DACH2: variants seen among roughly 807,000 people sequenced by gnomAD.
DACH2 encodes the protein dachshund homolog 2.
DACH2 carries 17 observed loss-of-function variants against 35.8 expected under a neutral mutation model. The ratio of observed to expected loss-of-function variants is 0.48; its 90% CI spans 0.33 to 0.71. The LOEUF is 0.71. DACH2 is among the 30% of genes least tolerant of loss of function. The pLI is 0.02. For missense variants in DACH2, 469 were observed against 472.7 expected, an observed-to-expected ratio of 0.99 and a Z score of 0.07; for synonymous variants, 195 against 177.3, an observed-to-expected ratio of 1.10 and a Z score of -0.79.
intron 1 of DACH2, among the ~76,000 whole-genome samples, chrX:86,337,594 G>A (rs923001016): frequency 4.5e-5 from 5 of 112,221 alleles, no homozygotes; most frequent in African/African-American, 1.6e-4. Context: ...ACTGGCAACA[G>A]CCAGTGCAAA....
intron 3 of DACH2, among the ~76,000 whole-genome samples, chrX:86,540,075 TG>T (rs763935838): frequency 2.4e-4 from 27 of 112,110 alleles, no homozygotes; most frequent in African/African-American, 7.4e-4. Flanking sequence ...AATAATGTTA[TG>T]TTTAGCTATG....
At chrX:86,521,121 C>T (rs1279430722) in intron 3 of DACH2, among the ~76,000 whole-genome samples, 2 of 111,655 alleles carry the variant, frequency 1.8e-5, no homozygotes, top group African/African-American at 3.3e-5. Flanking sequence ...TCAACATTTG[C>T]TAATCTGAAC....
chrX:86,637,845 C>T (rs1358816413), intron 3 of DACH2, among the ~76,000 whole-genome samples: 4 of 111,226 alleles, frequency 3.6e-5, no homozygotes, highest in Non-Finnish European at 7.5e-5. Context: ...TACCGACATA[C>T]TAAACCTGTA....
intron 7 of DACH2, among the ~76,000 whole-genome samples, chrX:86,811,283 T>A (rs941495490): frequency 4.5e-5 from 5 of 111,745 alleles, no homozygotes; most frequent in African/African-American, 1.6e-4. Context: ...CACAAATGAA[T>A]GGCACAACTT....
At chrX:86,211,360 C>T (rs2032441682) in intron 1 of DACH2, among the ~76,000 whole-genome samples, 1 of 111,156 alleles carries the variant, frequency 9.0e-6, no homozygotes, top group South Asian at 3.7e-4. Context: ...GTTTCTGTGA[C>T]TAGATATTGG....
intron 1 of DACH2, among the ~76,000 whole-genome samples, chrX:86,329,657 C>G (rs2035177396): frequency 9.0e-6 from 1 of 111,115 alleles, no homozygotes; most frequent in African/African-American, 3.3e-5. Context: ...TTGTGTAAGT[C>G]TGTGTTAGCA....
At chrX:86,306,878 AATG>A (rs1389018382) in intron 1 of DACH2, among the ~76,000 whole-genome samples, 4 of 111,496 alleles carry the variant, frequency 3.6e-5, no homozygotes, top group Non-Finnish European at 7.5e-5. Flanking sequence ...ACATAATATA[AATG>A]ATGAAGTTTT....
At chrX:86,668,113 GA>G (rs898339872) in intron 4 of DACH2, among the ~76,000 whole-genome samples, 1 of 110,079 alleles carries the variant, frequency 9.1e-6, no homozygotes, top group African/African-American at 3.4e-5. Context: ...TTTAATAGGA[GA>G]AAAAAATAAC....
chrX:86,793,657 C>T (rs757298012), intron 7 of DACH2, among the ~76,000 whole-genome samples: 1 of 112,086 alleles, frequency 8.9e-6, no homozygotes, highest in African/African-American at 3.2e-5. Context: ...ACTGTTTTTG[C>T]TTCTAATTTA....
rs191658207 is a variant in DACH2 at position 86,449,392 on chromosome X, G to T, written c.528-64887G>T. Among the ~76,000 whole-genome samples the T allele has an allele frequency of 9.0e-3, 968 of 107,308 alleles. 5 individuals are homozygous for T. The highest frequency in any genetic ancestry group is 0.029 in the African/African-American group (856 of 29,487). 93.2% of individuals were successfully genotyped at this position (107,308 alleles called of 115,157 possible). ...CTAGTTCTTTTAATTGTGATGTTAG[G>T]GTGTCAATTTTGGATCTTTCCTGCT... On this transcript the variant is annotated intron_variant, in intron 2 of 11. Transcript: ENST00000373125.
intron 2 of DACH2, among the ~76,000 whole-genome samples, chrX:86,379,415 A>G (rs2036014236): frequency 9.1e-6 from 1 of 109,993 alleles, no homozygotes; most frequent in African/African-American, 3.3e-5. Flanking sequence ...TGCTTTTGAC[A>G]TCTGTATGCC....
At chrX:86,283,871 T>TATACAC (rs560297079) in intron 1 of DACH2, among the ~76,000 whole-genome samples, 5 of 102,143 alleles carry the variant, frequency 4.9e-5, no homozygotes, top group African/African-American at 1.8e-4. Context: ...TTAAAGTATA[T>TATACAC]ACACACACAC....
chrX:86,270,342 A>G (rs746521338), intron 1 of DACH2, among the ~76,000 whole-genome samples: 1 of 111,350 alleles, frequency 9.0e-6, no homozygotes, highest in Non-Finnish European at 1.9e-5. Context: ...TAGAAAAGAG[A>G]CAACACATAG....
At chrX:86,437,283 T>C (rs901196632) in intron 2 of DACH2, among the ~76,000 whole-genome samples, 11 of 111,687 alleles carry the variant, frequency 9.8e-5, no homozygotes, top group Non-Finnish European at 2.1e-4. Context: ...ATTATTTCTA[T>C]GTGTTGGGGA....
At chrX:86,306,645 C>A (rs1206544876) in intron 1 of DACH2, among the ~76,000 whole-genome samples, 1 of 112,026 alleles carries the variant, frequency 8.9e-6, no homozygotes, top group African/African-American at 3.2e-5. Context: ...GTCTCCTGTG[C>A]TGGATGCTTC....
At chrX:86,327,610 G>A (rs867665652) in intron 1 of DACH2, among the ~76,000 whole-genome samples, 4 of 111,195 alleles carry the variant, frequency 3.6e-5, no homozygotes, top group African/African-American at 1.3e-4. Flanking sequence ...AGTTAGTGTT[G>A]TAAACATTAA....
At chrX:86,359,084 C>CTTATGTGTGTGTGTGT (rs200413091) in intron 1 of DACH2, among the ~76,000 whole-genome samples, 45 of 98,514 alleles carry the variant, frequency 4.6e-4, no homozygotes, top group Middle Eastern at 5.3e-3. Context: ...TATATTTTGT[C>CTTATGTGTGTGTGTGT]GTGTGTGTGT....
chrX:86,479,612 TC>T (rs1389916688), intron 2 of DACH2, among the ~76,000 whole-genome samples: 1 of 112,002 alleles, frequency 8.9e-6, no homozygotes, highest in Admixed American at 9.5e-5. Context: ...CTCAGATTTG[TC>T]CTTTTCAGGT....
chrX:86,511,148 A>G (rs779505343), intron 2 of DACH2, among the ~76,000 whole-genome samples: 1 of 111,796 alleles, frequency 8.9e-6, no homozygotes, highest in East Asian at 2.8e-4. Flanking sequence ...TGGCAAGATC[A>G]TATATCAAGA....
Sources: allele counts gnomAD v4.1 joint callset (sites outside exome capture counted in the v4.1 genomes callset), GRCh38; gene constraint gnomAD v4.1.1; transcripts MANE v1.5; gene names NCBI Gene and HGNC (gene_info 2026-07-23, HGNC 2026-07-21).